Variants in MYO9A observed in about 807,000 individuals in gnomAD.
MYO9A encodes unconventional myosin-IXa.
A neutral mutation model predicts 293.3 loss-of-function variants in MYO9A; 103 were observed. That is an observed-to-expected ratio of 0.35 (90% CI 0.30 to 0.41). The LOEUF (loss-of-function observed/expected upper bound fraction) is 0.41, where lower values mean the gene tolerates loss of function less well. MYO9A is among the 10% of genes least tolerant of loss of function. MYO9A has a pLI of 1.00. For missense variants in MYO9A, 2,685 were observed against 3,033.0 expected (o/e 0.89, Z 2.69); for synonymous variants, 1,001 against 1,035.7 (o/e 0.97, Z 0.64).
At position 71,852,958 on chromosome 15, in the gene MYO9A, G is replaced by A. The variant is rs141460133; in HGVS notation, c.6347-698C>T. On this transcript the variant is annotated intron_variant, in intron 35 of 41. Coordinates refer to ENST00000356056, the MANE Select transcript of MYO9A (RefSeq NM_006901.4). ...CTAAAAATATAAAAATTAGCTGGGT[G>A]TGGTGGCACACGCCTATAATCCCAG... Among the ~76,000 whole-genome samples the A allele has an allele frequency of 6.2e-3, 945 of 152,282 alleles. 7 individuals are homozygous for A. The highest frequency in any genetic ancestry group is 0.011 in the Non-Finnish European group (715 of 68,016).
chr15:71,912,882 C>T (rs1465937804), intron 19 of MYO9A, among the ~76,000 whole-genome samples: 1 of 152,008 alleles, frequency 6.6e-6, no homozygotes, highest in African/African-American at 2.4e-5. Context: ...CACAAAATGT[C>T]TCTTTTCTCC....
In MYO9A at chr15:72,010,289, C is replaced by A. The variant is rs1019464330; in HGVS notation, c.1253+61G>T. Reference sequence around the variant, plus strand: ...ATTTAAAAAGGTCAACGGCAGAAATCTTTCAAAGACATATCATGTGTTCTC... The same window carrying A: ...ATTTAAAAAGGTCAACGGCAGAAATATTTCAAAGACATATCATGTGTTCTC... On this transcript the variant is annotated intron_variant, in intron 7 of 41. Coordinates refer to ENST00000356056, the MANE Select transcript of MYO9A (RefSeq NM_006901.4). 4.3e-6 allele frequency: 6 copies of A among 1,399,778 alleles called. No homozygotes were observed. In the East Asian group the frequency reaches 9.2e-5, roughly 21 times the overall value. 86.7% of individuals were successfully genotyped at this position (1,399,778 alleles called of 1,614,324 possible). A position where few individuals can be genotyped will look rare whatever the true frequency, so the allele number is the denominator to read the frequency against.
chr15:71,998,268 A>G (rs1159618639), intron 9 of MYO9A, among the ~76,000 whole-genome samples: 1 of 152,192 alleles, frequency 6.6e-6, no homozygotes. Context: ...AAACTAAATG[A>G]TGAGAACACA....
At chr15:71,872,226 T>TA (rs528436880) in intron 32 of MYO9A, among the ~76,000 whole-genome samples, 39 of 151,730 alleles carry the variant, frequency 2.6e-4, no homozygotes, top group African/African-American at 9.4e-4. Flanking sequence ...TCAACTAACT[T>TA]AAAAAAAATC....
Position 71,898,949 on chromosome 15 carries a change from T to G in MYO9A, c.3554A>C (p.Glu1185Ala). Residue 1185 changes from glutamate (E) to alanine (A), a missense_variant, in exon 25 of 42, where the codon GAA becomes GCA. This residue lies in a region of MYO9A where 1,434 missense variants were observed against 1,497.7 expected (regional missense o/e 0.96). Transcript: ENST00000356056. ...LVNIKGYGSL[E>A]IQGSDPSGWE... is the part of the protein sequence containing the mutation. ...TCCTGAAGGGTCTGAACCCTGAATT[T>G]CCAGAGATCCATATCCCTTAATATT... The G allele has an allele frequency of 6.2e-7, 1 of 1,614,078 alleles. No homozygotes were observed. Among genetic ancestry groups the G allele is most frequent in the South Asian group, 1.1e-5 (1 of 91,082 alleles).
intron 15 of MYO9A, among the ~76,000 whole-genome samples, chr15:71,941,183 C>G (rs1275610052): frequency 6.6e-6 from 1 of 152,164 alleles, no homozygotes; most frequent in African/African-American, 2.4e-5. Flanking sequence ...CACCTGTAAT[C>G]CTAGCACTTT....
intron 6 of MYO9A, among the ~76,000 whole-genome samples, chr15:72,014,497 C>G (rs1262307054): frequency 5.3e-5 from 8 of 152,066 alleles, no homozygotes; most frequent in Non-Finnish European, 1.2e-4. Flanking sequence ...ACCAGCCTGG[C>G]CAACATGGTG....
At chr15:71,900,348 A>G (rs1274622697) in intron 23 of MYO9A, among the ~76,000 whole-genome samples, 6 of 148,742 alleles carry the variant, frequency 4.0e-5, no homozygotes, top group Admixed American at 7.3e-5. Flanking sequence ...AGGCAGGAGA[A>G]TGGCGTGAAC....
chr15:72,080,908 G>C (rs1417502060), intron 1 of MYO9A, among the ~76,000 whole-genome samples: 1 of 151,930 alleles, frequency 6.6e-6, no homozygotes, highest in African/African-American at 2.4e-5. Context: ...CTTTTTGATG[G>C]CTACACAGTA....
chr15:71,899,554 T>A, intron 24 of MYO9A, 133 bp downstream of exon 24: 1 of 730,886 alleles, frequency 1.4e-6, no homozygotes, highest in Non-Finnish European at 2.2e-6. Flanking sequence ...TTAAAATCGG[T>A]ATCACAGTAT....
chr15:71,827,154 A>C (rs1169860431), intron 41 of MYO9A, 111 bp from the exon 42 acceptor site: 1 of 814,494 alleles, frequency 1.2e-6, no homozygotes, highest in Non-Finnish European at 1.9e-6. Context: ...GATAAGATTC[A>C]GAGGGTCCAG....
chr15:72,024,459 A>G (rs540506713), intron 4 of MYO9A, among the ~76,000 whole-genome samples: 2 of 152,168 alleles, frequency 1.3e-5, no homozygotes, highest in African/African-American at 4.8e-5. Flanking sequence ...TTTTGTAGAG[A>G]TAAGGTTTTG....
At chr15:71,879,224 A>G (rs1393248669) in intron 30 of MYO9A, among the ~76,000 whole-genome samples, 2 of 152,220 alleles carry the variant, frequency 1.3e-5, no homozygotes, top group Non-Finnish European at 2.9e-5. Flanking sequence ...ACCAAAAATA[A>G]ATTTTCTAAA....
At chr15:71,909,312 A>G (rs566612570) in intron 19 of MYO9A, among the ~76,000 whole-genome samples, 1 of 152,342 alleles carries the variant, frequency 6.6e-6, no homozygotes, top group Admixed American at 6.5e-5. Flanking sequence ...AATATAGTTT[A>G]TAAGAAACTG....
Position 71,960,113 on chromosome 15 carries a change from C to T in MYO9A, c.1987-17G>A. On this transcript the variant is annotated splice_polypyrimidine_tract_variant and intron_variant, in intron 13 of 41. Coordinates refer to ENST00000356056, the MANE Select transcript of MYO9A (RefSeq NM_006901.4). Reference sequence around the variant, plus strand: ...CCGGAAATCCTATATGAAAAAAGTACCAGTGTTACTTATGGGAAAAAAAAA... The same window carrying T: ...CCGGAAATCCTATATGAAAAAAGTATCAGTGTTACTTATGGGAAAAAAAAA... The T allele has an allele frequency of 6.2e-7, 1 of 1,610,246 alleles. No individual in the cohort carries two copies. The highest frequency in any genetic ancestry group is 8.5e-7 in the Non-Finnish European group (1 of 1,177,302).
chr15:72,036,055 A>T (rs1191749203), intron 2 of MYO9A, among the ~76,000 whole-genome samples: 1 of 152,166 alleles, frequency 6.6e-6, no homozygotes, highest in Non-Finnish European at 1.5e-5. Context: ...TATTTATTCA[A>T]AATATAAGGC....
intron 1 of MYO9A, among the ~76,000 whole-genome samples, chr15:72,080,463 ACCTATGAAGACAGTCT>A (rs1193242632): frequency 6.6e-6 from 1 of 151,908 alleles, no homozygotes; most frequent in Non-Finnish European, 1.5e-5. Context: ...GTGTCCACCA[ACCTATGAAGACAGTCT>A]CCACAGCTCA....
rs773210482 is a variant in MYO9A, at chr15:71,826,943, G to A, written c.7284C>T (p.Val2428=). The change falls in exon 42 of 42, where the codon GTC becomes GTT. Residue 2428 remains valine (V), a synonymous_variant. Coordinates refer to ENST00000356056, the MANE Select transcript of MYO9A (RefSeq NM_006901.4). ...ATAAAGAGGAGACCGAAGAGTCCAC[G>A]ACATCTAAAGAGTCTTGCTGCTTTT... ...QLKKQQDSLD[V]VDSSVSSLCL... The A allele has an allele frequency of 1.4e-5, 22 of 1,614,038 alleles. No individual in the cohort carries two copies. The highest frequency in any genetic ancestry group is 9.9e-5 in the South Asian group (9 of 91,070).
intron 37 of MYO9A, among the ~76,000 whole-genome samples, chr15:71,850,602 T>TAACA (rs2055592107): frequency 1.3e-5 from 1 of 79,916 alleles, no homozygotes; most frequent in African/African-American, 5.2e-5. Flanking sequence ...TTGTCTCTAC[T>TAACA]AACAATACAA....
Sources: allele counts gnomAD v4.1 joint callset (sites outside exome capture counted in the v4.1 genomes callset), GRCh38; gene constraint gnomAD v4.1.1; regional missense constraint gnomAD v4.1.1; transcripts MANE v1.5; gene names NCBI Gene and HGNC (gene_info 2026-07-23, HGNC 2026-07-21).